DPYD: variants seen among roughly 807,000 people sequenced by gnomAD.
DPYD encodes the protein dihydropyrimidine dehydrogenase [NADP(+)].
Under a neutral mutation model 116.2 loss-of-function variants are expected in DPYD, and 109 were observed. The ratio of observed to expected loss-of-function variants is 0.94; its 90% CI spans 0.80 to 1.10. DPYD has a LOEUF of 1.10. Ranked by LOEUF, DPYD falls within the 50% of genes least tolerant of loss-of-function variation. The probability of loss-of-function intolerance (pLI) is 0.00; values close to 1 mark genes in which losing one functional copy is unlikely to be tolerated. For missense variants in DPYD, 1,302 were observed against 1,254.5 expected (o/e 1.04, Z -0.57); for synonymous variants, 440 against 432.0 (o/e 1.02, Z -0.23).
At chr1:97,335,298 GTACACA>G (rs1427337047) in intron 16 of DPYD, among the ~76,000 whole-genome samples, 1 of 91,556 alleles carries the variant, frequency 1.1e-5, no homozygotes, top group African/African-American at 4.9e-5. Context: ...ATGGAGTTAA[GTACACA>G]CACACACACA....
intron 2 of DPYD, among the ~76,000 whole-genome samples, chr1:97,868,774 CAACTT>C (rs1226773453): frequency 6.6e-5 from 10 of 151,920 alleles, no homozygotes; most frequent in African/African-American, 2.4e-4. Flanking sequence ...CTGCCTCACA[CAACTT>C]AATCGTAATT....
intron 10 of DPYD, among the ~76,000 whole-genome samples, chr1:97,578,424 C>T (rs1653420491): frequency 1.3e-5 from 2 of 151,936 alleles, no homozygotes; most frequent in South Asian, 4.1e-4. Flanking sequence ...ACAGATTTAG[C>T]ATACAGCCTT....
chr1:97,730,262 C>A (rs571779030), intron 4 of DPYD, among the ~76,000 whole-genome samples: 19 of 152,246 alleles, frequency 1.2e-4, no homozygotes, highest in African/African-American at 3.9e-4. Context: ...GGCTCTGTCA[C>A]CCAGGCTGGA....
intron 14 of DPYD, among the ~76,000 whole-genome samples, chr1:97,419,468 C>T (rs570752675): frequency 2.8e-4 from 43 of 152,246 alleles, no homozygotes; most frequent in Non-Finnish European, 4.0e-4. Flanking sequence ...TTCACAACAA[C>T]GCTGTAAAAT....
chr1:97,476,415 T>C (rs1677964767), intron 13 of DPYD, among the ~76,000 whole-genome samples: 2 of 152,172 alleles, frequency 1.3e-5, no homozygotes, highest in Non-Finnish European at 2.9e-5. Context: ...TATAAATTTA[T>C]ATGAAAAAAC....
At chr1:97,494,337 C>G (rs1434461474) in intron 13 of DPYD, among the ~76,000 whole-genome samples, 2 of 152,146 alleles carry the variant, frequency 1.3e-5, no homozygotes, top group Non-Finnish European at 2.9e-5. Context: ...GCTGGGACTA[C>G]AGGCATGTGC....
At chr1:97,375,115 A>G (rs1671539006) in intron 15 of DPYD, among the ~76,000 whole-genome samples, 1 of 151,766 alleles carries the variant, frequency 6.6e-6, no homozygotes, top group Non-Finnish European at 1.5e-5. Context: ...TCTTTTACCT[A>G]ACTTCTATAA....
At chr1:97,091,222 T>A (rs1025520146) in intron 21 of DPYD, among the ~76,000 whole-genome samples, 3 of 152,030 alleles carry the variant, frequency 2.0e-5, no homozygotes, top group African/African-American at 7.2e-5. Context: ...AACAAAGCAG[T>A]GTCATGGAGT....
rs1292605704 is a variant in DPYD, at chr1:97,382,583, T to C, written c.1906-122A>G. The C allele has an allele frequency of 5.4e-6, 3 of 555,140 alleles. No individual in the cohort carries two copies. In the East Asian group the frequency reaches 1.0e-4, roughly 19 times the overall value. The allele number at this position is 555,140 out of a possible 1,614,324, so 34.4% of individuals were successfully genotyped here. Reference sequence around the variant, plus strand: ...TATTATAAAATTAGTTTTCAAACTGTGAAAAAATAAATCATTAGAAAATAG... The same window carrying C: ...TATTATAAAATTAGTTTTCAAACTGCGAAAAAATAAATCATTAGAAAATAG... On this transcript the variant is annotated intron_variant, in intron 14 of 22. Coordinates refer to ENST00000370192, the MANE Select transcript of DPYD (RefSeq NM_000110.4).
Position 97,131,233 on chromosome 1 carries a change from A to G in DPYD, c.2623-32601T>C, listed in dbSNP as rs529172996. Among the ~76,000 whole-genome samples the G allele has an allele frequency of 4.1e-4, 62 of 152,250 alleles. 1 individual carries two copies. The South Asian group carries it at 0.012, about 30-fold the overall frequency. ...TGGCTTTTGGTCAAAGTTGAGCACA[A>G]CAATATGGTACTCATCCTTATTGGC... On this transcript the variant is annotated intron_variant, in intron 20 of 22. Transcript: ENST00000370192.
chr1:97,572,422 T>C (rs1570981663), intron 11 of DPYD, among the ~76,000 whole-genome samples: 2 of 151,922 alleles, frequency 1.3e-5, no homozygotes, highest in African/African-American at 4.8e-5. Context: ...AAAATATAAT[T>C]ATTATTAATA....
intron 13 of DPYD, among the ~76,000 whole-genome samples, chr1:97,484,268 C>A (rs1257491090): frequency 2.6e-5 from 4 of 152,190 alleles, no homozygotes; most frequent in Non-Finnish European, 4.4e-5. Flanking sequence ...AGCACCACTG[C>A]ATTCCAGTCT....
At chr1:97,728,647 G>T (rs952980244) in intron 4 of DPYD, among the ~76,000 whole-genome samples, 1 of 152,072 alleles carries the variant, frequency 6.6e-6, no homozygotes, top group South Asian at 2.1e-4. Flanking sequence ...CCAATCTGCT[G>T]CATTTAAAAA....
At chr1:97,483,228 A>G (rs1678422201) in intron 13 of DPYD, among the ~76,000 whole-genome samples, 1 of 152,024 alleles carries the variant, frequency 6.6e-6, no homozygotes, top group Non-Finnish European at 1.5e-5. Flanking sequence ...TTAGCCTCAA[A>G]TTTCCTTTGC....
chr1:97,886,189 A>G (rs1672475983), intron 1 of DPYD, among the ~76,000 whole-genome samples: 1 of 152,080 alleles, frequency 6.6e-6, no homozygotes, highest in East Asian at 1.9e-4. Context: ...CCAGTGTGAC[A>G]GTCATTCTAC....
intron 20 of DPYD, among the ~76,000 whole-genome samples, chr1:97,172,309 T>C (rs1049756355): frequency 2.6e-5 from 4 of 152,088 alleles, no homozygotes; most frequent in Admixed American, 2.0e-4. Flanking sequence ...CTTCAAGTAA[T>C]AAAATACTTA....
chr1:97,763,300 G>T (rs1172081675), intron 3 of DPYD, among the ~76,000 whole-genome samples: 1 of 151,906 alleles, frequency 6.6e-6, no homozygotes, highest in Non-Finnish European at 1.5e-5. Context: ...ATAAATGTTA[G>T]ATTAACAAAT....
chr1:97,531,313 C>T (rs976572194), intron 12 of DPYD, among the ~76,000 whole-genome samples: 1 of 152,104 alleles, frequency 6.6e-6, no homozygotes, highest in Non-Finnish European at 1.5e-5. Flanking sequence ...AGAAAACATT[C>T]CAATTTAATT....
chr1:97,712,232 A>T (rs1430500934), intron 5 of DPYD, among the ~76,000 whole-genome samples: 1 of 151,950 alleles, frequency 6.6e-6, no homozygotes, highest in African/African-American at 2.4e-5. Context: ...GAACTTCTCT[A>T]TTAAACTTTT....
Sources: gnomAD v4.1 joint callset for allele counts (sites outside exome capture counted in the v4.1 genomes callset) on GRCh38, gnomAD v4.1.1 for gene constraint, MANE v1.5 for transcripts, NCBI Gene and HGNC (gene_info 2026-07-23, HGNC 2026-07-21) for gene names.